SH3BP5: variants seen among roughly 807,000 people sequenced by gnomAD.
SH3BP5 encodes SH3 domain binding protein 5.
A neutral mutation model predicts 43.3 loss-of-function variants in SH3BP5; 22 were observed. That is an observed-to-expected ratio of 0.51 (90% CI 0.36 to 0.73). SH3BP5 has a LOEUF of 0.73. Ranked by LOEUF, SH3BP5 falls within the 30% of genes least tolerant of loss-of-function variation. SH3BP5 has a pLI of 0.00. For missense variants in SH3BP5, 529 were observed against 586.9 expected (o/e 0.90, Z 1.02); for synonymous variants, 255 against 225.8 (o/e 1.13, Z -1.16).
chr3:15,297,363 G>A (rs1055164581), intron 3 of SH3BP5, among the ~76,000 whole-genome samples: 1 of 152,078 alleles, frequency 6.6e-6, no homozygotes, highest in Non-Finnish European at 1.5e-5. Flanking sequence ...GGAGAGGCCT[G>A]TTTCCTCTTC....
At chr3:15,326,899 G>A (rs1013043012) in intron 2 of SH3BP5, among the ~76,000 whole-genome samples, 5 of 152,164 alleles carry the variant, frequency 3.3e-5, no homozygotes, top group Non-Finnish European at 7.3e-5. Flanking sequence ...CAATGCTAAT[G>A]AATCAATAGT....
chr3:15,266,911 C>T (rs543610867), intron 4 of SH3BP5, among the ~76,000 whole-genome samples: 22 of 152,346 alleles, frequency 1.4e-4, no homozygotes, highest in Admixed American at 3.9e-4. Flanking sequence ...ACGTGGGAAC[C>T]CCAGTGTCCC....
chr3:15,305,892 T>A (rs1485262385), intron 2 of SH3BP5, among the ~76,000 whole-genome samples: 1 of 150,920 alleles, frequency 6.6e-6, no homozygotes, highest in East Asian at 1.9e-4. Flanking sequence ...CCAAGAGGTA[T>A]AAGGAGAGAA....
At chr3:15,301,123 G>A (rs746899062) in intron 3 of SH3BP5, among the ~76,000 whole-genome samples, 52 of 152,292 alleles carry the variant, frequency 3.4e-4, no homozygotes, top group Admixed American at 9.8e-4. Flanking sequence ...AGGGAGTGGT[G>A]TGAAATCTGC....
chr3:15,271,201 G>C (rs1029892853), intron 3 of SH3BP5, among the ~76,000 whole-genome samples: 14 of 151,952 alleles, frequency 9.2e-5, no homozygotes, highest in Admixed American at 7.9e-4. Flanking sequence ...AACATAGCAA[G>C]ACCCTACTTC....
At chr3:15,328,810 C>G (rs899389741) in intron 2 of SH3BP5, among the ~76,000 whole-genome samples, 1 of 152,136 alleles carries the variant, frequency 6.6e-6, no homozygotes, top group Non-Finnish European at 1.5e-5. Context: ...GATGCTGAGC[C>G]TCTGAGTCCT....
chr3:15,294,567 C>T (rs185707358), intron 3 of SH3BP5, among the ~76,000 whole-genome samples: 114 of 152,186 alleles, frequency 7.5e-4, no homozygotes, highest in African/African-American at 2.6e-3. Flanking sequence ...GATTAGGCCA[C>T]AACACCGGAA....
chr3:15,335,014 T>C (rs1321600973), upstream of SH3BP5, among the ~76,000 whole-genome samples: 1 of 152,060 alleles, frequency 6.6e-6, no homozygotes, highest in Non-Finnish European at 1.5e-5. Flanking sequence ...GGCTCATGCC[T>C]GTAATCTCAG....
chr3:15,255,967 A>C lies in SH3BP5; in HGVS notation c.*119T>G. On this transcript the variant is annotated 3_prime_UTR_variant, in exon 9 of 9. Coordinates refer to ENST00000383791, the MANE Select transcript of SH3BP5 (RefSeq NM_004844.5). ...TAGCCCTCAAGGTCACTGAAACTTC[A>C]TTAGAGCAGTTTAGAGTAGACGTGT... The C allele has an allele frequency of 1.1e-6, 1 of 870,514 alleles. No homozygotes were observed. Among genetic ancestry groups the C allele is most frequent in the Non-Finnish European group, 1.8e-6 (1 of 549,512 alleles). The allele number at this position is 870,514 out of a possible 1,614,324, so 53.9% of individuals were successfully genotyped here.
intron 3 of SH3BP5, among the ~76,000 whole-genome samples, chr3:15,280,886 G>A (rs1024872673): frequency 6.6e-6 from 1 of 152,222 alleles, no homozygotes; most frequent in Admixed American, 6.5e-5. Flanking sequence ...AATCAGGGAA[G>A]CTATTTCATC....
intron 3 of SH3BP5, among the ~76,000 whole-genome samples, chr3:15,274,004 G>C (rs1369904873): frequency 6.6e-6 from 1 of 152,196 alleles, no homozygotes; most frequent in Non-Finnish European, 1.5e-5. Flanking sequence ...GCACTTTGGG[G>C]AGGCCAAGGC....
intron 3 of SH3BP5, among the ~76,000 whole-genome samples, chr3:15,290,000 A>T (rs1433631445): frequency 1.3e-5 from 2 of 152,202 alleles, no homozygotes; most frequent in Non-Finnish European, 2.9e-5. Flanking sequence ...TAGAAATAAC[A>T]CCAAGCACTT....
At chr3:15,323,262 G>A (rs1698382141) in intron 2 of SH3BP5, among the ~76,000 whole-genome samples, 1 of 152,196 alleles carries the variant, frequency 6.6e-6, no homozygotes, top group Non-Finnish European at 1.5e-5. Context: ...CCATCCCGCT[G>A]TAATCCTGGC....
intron 1 of SH3BP5, among the ~76,000 whole-genome samples, chr3:15,340,153 T>G (rs529599969): frequency 6.6e-6 from 1 of 152,136 alleles, no homozygotes; most frequent in Non-Finnish European, 1.5e-5. Context: ...ATAGGCAAGA[T>G]AGACAAAGAT....
At chr3:15,323,217 A>T (rs939724661) in intron 2 of SH3BP5, among the ~76,000 whole-genome samples, 4 of 152,240 alleles carry the variant, frequency 2.6e-5, no homozygotes, top group African/African-American at 9.6e-5. Context: ...GGCAGGCCAC[A>T]GCGCAACGCC....
chr3:15,311,949 C>A (rs552675531), intron 2 of SH3BP5, among the ~76,000 whole-genome samples: 3 of 152,086 alleles, frequency 2.0e-5, no homozygotes, highest in Non-Finnish European at 2.9e-5. Flanking sequence ...TGATTACAGG[C>A]GTGAGCCACT....
chr3:15,328,280 TAA>T (rs924994421), intron 2 of SH3BP5, among the ~76,000 whole-genome samples: 12 of 152,124 alleles, frequency 7.9e-5, no homozygotes, highest in Admixed American at 7.9e-4. Context: ...AAGTAAGGGC[TAA>T]AAAGAGTTTA....
At chr3:15,316,503 G>A (rs1052710572) in intron 2 of SH3BP5, among the ~76,000 whole-genome samples, 3 of 152,110 alleles carry the variant, frequency 2.0e-5, no homozygotes, top group Non-Finnish European at 2.9e-5. Context: ...GATTACAGGT[G>A]TGAACCACAT....
intron 3 of SH3BP5, among the ~76,000 whole-genome samples, chr3:15,291,028 G>A (rs768643386): frequency 2.2e-4 from 33 of 152,110 alleles, no homozygotes; most frequent in Non-Finnish European, 4.3e-4. Context: ...GAAGCCCTTC[G>A]GAATTCTACC....
Sources: allele counts gnomAD v4.1 joint callset (sites outside exome capture counted in the v4.1 genomes callset), GRCh38; gene constraint gnomAD v4.1.1; transcripts MANE v1.5; gene names NCBI Gene and HGNC (gene_info 2026-07-23, HGNC 2026-07-21).